The following PLCG2 variants were observed in gnomAD, a reference collection of about 807,000 sequenced individuals.
The protein encoded by PLCG2 is 1-phosphatidylinositol 4,5-bisphosphate phosphodiesterase gamma-2.
In PLCG2, 69 loss-of-function variants were observed where a neutral mutation model predicts 175.6. That is an observed-to-expected ratio of 0.39 (90% CI 0.32 to 0.48). The LOEUF (loss-of-function observed/expected upper bound fraction) is 0.48, where lower values mean the gene tolerates loss of function less well. Among genes scored for constraint, PLCG2 ranks in the 20% least tolerant of loss-of-function variants. The pLI is 0.91. For synonymous variants in PLCG2, 827 were observed against 624.0 expected, an observed-to-expected ratio of 1.33 and a Z score of -4.85; for missense variants, 1,798 against 1,650.9, an observed-to-expected ratio of 1.09 and a Z score of -1.54.
chr16:81,858,727 C>T (rs1414787215), intron 4 of PLCG2, among the ~76,000 whole-genome samples: 1 of 152,198 alleles, frequency 6.6e-6, no homozygotes, highest in East Asian at 1.9e-4. Flanking sequence ...CTATCACTCC[C>T]TCCTGGGTTG....
At chr16:81,745,849 C>T (rs1444850500) in intron 1 of PLCG2, among the ~76,000 whole-genome samples, 1 of 152,200 alleles carries the variant, frequency 6.6e-6, no homozygotes, top group African/African-American at 2.4e-5. Context: ...CTGCTTTCAG[C>T]TATCCATTCA....
At chr16:81,943,598 A>T (rs971535308) in intron 30 of PLCG2, among the ~76,000 whole-genome samples, 1 of 152,226 alleles carries the variant, frequency 6.6e-6, no homozygotes, top group African/African-American at 2.4e-5. Flanking sequence ...AGATTAGCTC[A>T]TTAGAGATGC....
At chr16:81,764,699 T>A (rs773280198) in intron 2 of PLCG2, among the ~76,000 whole-genome samples, 1 of 152,230 alleles carries the variant, frequency 6.6e-6, no homozygotes, top group Non-Finnish European at 1.5e-5. Flanking sequence ...CCCAAATTTA[T>A]GTCCAGCTGG....
rs1264159407 is a variant in PLCG2 at position 81,888,765 on chromosome 16, A to T, written c.766-407A>T. On this transcript the variant is annotated intron_variant, in intron 9 of 32. Coordinates refer to ENST00000564138, the MANE Select transcript of PLCG2 (RefSeq NM_002661.5). ...AGGCTGCTTCATACTAACAAACGTA[A>T]AGAGCTATCATAGGGCAGGAGCTGG... Among the ~76,000 whole-genome samples, 4 of 152,348 alleles carry T rather than the reference A, an allele frequency of 2.6e-5. No homozygotes were observed. In the East Asian group the frequency reaches 7.7e-4, roughly 29 times the overall value.
intron 2 of PLCG2, among the ~76,000 whole-genome samples, chr16:81,805,865 C>T (rs552332903): frequency 1.4e-5 from 2 of 141,938 alleles, no homozygotes; most frequent in East Asian, 2.1e-4. Context: ...GAATCAAACT[C>T]CTGGGCTCAA....
intron 1 of PLCG2, among the ~76,000 whole-genome samples, chr16:81,784,992 A>G (rs780758366): frequency 1.3e-5 from 2 of 152,178 alleles, no homozygotes; most frequent in African/African-American, 4.8e-5. Context: ...GATTTGATTC[A>G]TGTTCTAAAA....
intron 2 of PLCG2, among the ~76,000 whole-genome samples, chr16:81,851,001 G>C (rs2143461522): frequency 6.6e-6 from 1 of 152,292 alleles, no homozygotes; most frequent in African/African-American, 2.4e-5. Flanking sequence ...GTCCCCACTT[G>C]TTATGGGTCC....
chr16:81,825,953 G>T (rs368648981), intron 2 of PLCG2, among the ~76,000 whole-genome samples: 2 of 152,188 alleles, frequency 1.3e-5, no homozygotes, highest in South Asian at 4.1e-4. Flanking sequence ...TTGGACCAGA[G>T]AAATTTTCTC....
At position 81,854,452 on chromosome 16, in the gene PLCG2, A is replaced by G. The variant is rs184409507; in HGVS notation, c.202A>G (p.Met68Val). Reference protein sequence around the residue: ...ADKIEGFLDIMEIKEIRPGKN... With the variant: ...ADKIEGFLDIVEIKEIRPGKN... The stretch of plus-strand genomic sequence containing the variant: ...TGTTAATTTCATTTTAGTGGATATC[A>G]TGGAAATAAAAGAAATCCGCCCAGG... The change falls in exon 3 of 33, where the codon ATG (methionine) becomes GTG (valine). Residue 68 changes from methionine (M) to valine (V), a missense_variant. By Grantham distance (21) the Met-to-Val change is conservative. Coordinates refer to ENST00000564138, the MANE Select transcript of PLCG2 (RefSeq NM_002661.5). 10 of 1,613,402 alleles carry G rather than the reference A, an allele frequency of 6.2e-6. No individual in the cohort carries two copies. Among genetic ancestry groups the G allele is most frequent in the Non-Finnish European group, 5.9e-6 (7 of 1,179,284 alleles).
chr16:81,856,440 A>G lies in PLCG2; in HGVS notation c.338-1823A>G, dbSNP rs145862737. 2.8e-3 allele frequency among the ~76,000 whole-genome samples: 429 copies of G among 152,232 alleles called. 8 individuals carry two copies. Among genetic ancestry groups the G allele is most frequent in the Non-Finnish European group, 7.6e-4 (52 of 68,014 alleles). On this transcript the variant is annotated intron_variant, in intron 3 of 32. Transcript: ENST00000564138. Reference sequence around the variant, plus strand: ...ATGCCAAGCTCTTAACCACTCCTCAATGCCGCTTATTAACAAGGGTAATAG... The same window carrying G: ...ATGCCAAGCTCTTAACCACTCCTCAGTGCCGCTTATTAACAAGGGTAATAG...
intron 2 of PLCG2, among the ~76,000 whole-genome samples, chr16:81,813,888 AG>A (rs1904426359): frequency 6.6e-6 from 1 of 152,234 alleles, no homozygotes; most frequent in South Asian, 2.1e-4. Context: ...CTGTGTTAAA[AG>A]GAAGTCACAA....
At position 81,959,202 on chromosome 16, in the gene PLCG2, C is replaced by T. The variant is rs773993936; in HGVS notation, c.*1204C>T. On this transcript the variant is annotated 3_prime_UTR_variant, in exon 33 of 33. Transcript: ENST00000564138. ...GGAAAAGGAGTGTAACTGTGAAAAACGATGGCTGTGGTGGGGAAGAACAAA... is the reference window on the plus strand; with the variant it reads ...GGAAAAGGAGTGTAACTGTGAAAAATGATGGCTGTGGTGGGGAAGAACAAA... The T allele has an allele frequency of 1.2e-3, 267 of 226,044 alleles. No individual in the cohort carries two copies. The highest frequency in any genetic ancestry group is 1.9e-3 in the Non-Finnish European group (217 of 113,536). 14.0% of individuals were successfully genotyped at this position (226,044 alleles called of 1,614,324 possible).
At chr16:81,808,794 C>A (rs756766536) in intron 2 of PLCG2, among the ~76,000 whole-genome samples, 1 of 152,184 alleles carries the variant, frequency 6.6e-6, no homozygotes. Context: ...CACCTGGCCA[C>A]CACTGTGCAA....
At chr16:81,879,078 G>A (rs926880962) in intron 7 of PLCG2, among the ~76,000 whole-genome samples, 5 of 152,134 alleles carry the variant, frequency 3.3e-5, no homozygotes, top group Admixed American at 6.5e-5. Context: ...CTCCCTGAGT[G>A]GGGGAATGCG....
At chr16:81,902,379 G>T (rs1292841128) in intron 14 of PLCG2, among the ~76,000 whole-genome samples, 1 of 152,218 alleles carries the variant, frequency 6.6e-6, no homozygotes, top group Non-Finnish European at 1.5e-5. Context: ...TTCAAGGTCA[G>T]GGTGCTGGTA....
At chr16:81,890,735 A>C (rs1329842773) in intron 10 of PLCG2, among the ~76,000 whole-genome samples, 1 of 152,212 alleles carries the variant, frequency 6.6e-6, no homozygotes, top group African/African-American at 2.4e-5. Flanking sequence ...AGATCGCTAA[A>C]GCATTTTTTT....
chr16:81,840,710 G>C (rs1301758351), intron 2 of PLCG2, among the ~76,000 whole-genome samples: 1 of 152,196 alleles, frequency 6.6e-6, no homozygotes, highest in East Asian at 1.9e-4. Context: ...CTAGACCCCT[G>C]CTCACCTCCT....
rs940324762 is a variant in PLCG2 at position 81,835,597 on chromosome 16, AATC to A, written c.194-18844_194-18842del. On this transcript the variant is annotated intron_variant, in intron 2 of 32. Coordinates refer to ENST00000564138, the MANE Select transcript of PLCG2 (RefSeq NM_002661.5). ...CGGTCTCAAATATAATAATAATAAT[AATC>A]ATAATAATAATGATAATAATTGAAG... Among the ~76,000 whole-genome samples the A allele has an allele frequency of 5.0e-5, 7 of 139,792 alleles. No individual in the cohort carries two copies. The East Asian group carries it at 1.1e-3, about 22-fold the overall frequency. The allele number at this position is 139,792 out of a possible 152,430, so 91.7% of individuals were successfully genotyped here. A position where few individuals can be genotyped will look rare whatever the true frequency, so the allele number is the denominator to read the frequency against.
At chr16:81,898,749 C>G (rs1314132206) in intron 13 of PLCG2, 1 of 151,972 alleles carries the variant, frequency 6.6e-6, no homozygotes, top group Non-Finnish European at 1.5e-5. Context: ...ATCAGTATGT[C>G]TAATGATCAT....
Sources: gnomAD v4.1 joint callset for allele counts (sites outside exome capture counted in the v4.1 genomes callset) on GRCh38, gnomAD v4.1.1 for gene constraint, MANE v1.5 for transcripts, NCBI Gene and HGNC (gene_info 2026-07-23, HGNC 2026-07-21) for gene names.